BRINP1: variants seen among roughly 807,000 people sequenced by gnomAD.
BRINP1 encodes the protein BMP/retinoic acid inducible neural specific 1, also known as BMP/retinoic acid-inducible neural-specific protein 1.
In BRINP1, 17 loss-of-function variants were observed where a neutral mutation model predicts 72.9. The observed-to-expected ratio is 0.23, with a 90% CI of 0.16 to 0.35. The LOEUF (loss-of-function observed/expected upper bound fraction) is 0.35. BRINP1 is among the 10% of genes least tolerant of loss of function. The probability of loss-of-function intolerance (pLI) is 1.00; values close to 1 mark genes in which losing one functional copy is unlikely to be tolerated. For missense variants in BRINP1, 850 were observed against 1,001.6 expected, an observed-to-expected ratio of 0.85 and a Z score of 2.04; for synonymous variants, 418 against 378.5, an observed-to-expected ratio of 1.10 and a Z score of -1.21.
intron 4 of BRINP1, 50 bp downstream of exon 4, chr9:119,241,997 A>C (rs1220330850): frequency 1.9e-6 from 3 of 1,566,922 alleles, no homozygotes; most frequent in Non-Finnish European, 2.6e-6. Context: ...CCTGCATTGC[A>C]GTGTTGTTGT....
At chr9:119,179,637 T>A (rs1018132129) in intron 7 of BRINP1, among the ~76,000 whole-genome samples, 1 of 152,188 alleles carries the variant, frequency 6.6e-6, no homozygotes, top group Non-Finnish European at 1.5e-5. Context: ...CCCCATGAGA[T>A]AGGATTCCCT....
At chr9:119,326,368 TAAATCATCTTGAAGCATGAAAC>T (rs779058612) in intron 1 of BRINP1, among the ~76,000 whole-genome samples, 1 of 152,210 alleles carries the variant, frequency 6.6e-6, no homozygotes, top group Non-Finnish European at 1.5e-5. Flanking sequence ...GAATTTCTGA[TAAATCATCTTGAAGCATGAAAC>T]TCCTAGAAAT....
chr9:119,338,799 G>A (rs967099820), intron 1 of BRINP1, among the ~76,000 whole-genome samples: 1 of 151,558 alleles, frequency 6.6e-6, no homozygotes, highest in African/African-American at 2.4e-5. Context: ...GCAAGAGAAT[G>A]GTGCGAACCC....
At chr9:119,268,500 C>T (rs1054609701) in intron 2 of BRINP1, among the ~76,000 whole-genome samples, 12 of 152,108 alleles carry the variant, frequency 7.9e-5, no homozygotes, top group Admixed American at 2.0e-4. Flanking sequence ...GCTAAGATCT[C>T]TACCATGCTG....
At position 119,167,614 on chromosome 9, in the gene BRINP1, G is replaced by C; in HGVS notation, c.1756C>G (p.Arg586Gly). ...TTTTGGAGACGGATCTTCTCCCAGC[G>C]TGGGTAGCCAAATTCCCCGAAGGGC... ...NMPFGEFGYP[R>G]WEKIRLQNSQ... is the part of the protein sequence containing the mutation. Residue 586 changes from arginine to glycine, a missense_variant, in exon 8 of 8, where the codon CGC (arginine) becomes GGC (glycine). Arg to Gly is a moderately radical substitution (Grantham distance 125). Transcript: ENST00000265922. The surrounding 1 kb of genome is among the most constrained non-coding windows in gnomAD (Gnocchi z 4.3). 1 of 1,614,112 alleles carries C rather than the reference G, an allele frequency of 6.2e-7. No homozygotes were observed. Among genetic ancestry groups the C allele is most frequent in the South Asian group, 1.1e-5 (1 of 91,082 alleles).
intron 2 of BRINP1, among the ~76,000 whole-genome samples, chr9:119,298,219 T>G (rs1269426033): frequency 1.3e-5 from 2 of 152,208 alleles, no homozygotes; most frequent in Non-Finnish European, 2.9e-5. Context: ...GAATCCAAAG[T>G]CCGTCCCTCA....
intron 7 of BRINP1, among the ~76,000 whole-genome samples, chr9:119,198,794 C>A (rs1350905598): frequency 2.6e-5 from 4 of 151,964 alleles, no homozygotes; most frequent in Non-Finnish European, 4.4e-5. Context: ...GCCTCAGCCT[C>A]CCGAGTAGCT....
intron 2 of BRINP1, among the ~76,000 whole-genome samples, chr9:119,270,765 G>C (rs1301664727): frequency 6.6e-6 from 1 of 152,142 alleles, no homozygotes. Context: ...GACAAATCTA[G>C]ATTTGGGGAG....
intron 7 of BRINP1, among the ~76,000 whole-genome samples, chr9:119,172,901 T>C (rs1489987037): frequency 6.6e-6 from 1 of 151,028 alleles, no homozygotes; most frequent in African/African-American, 2.5e-5. Flanking sequence ...TCTCCATAGA[T>C]GCAGAAAAAG....
At chr9:119,360,059 C>G (rs1378774291) in intron 1 of BRINP1, among the ~76,000 whole-genome samples, 1 of 152,150 alleles carries the variant, frequency 6.6e-6, no homozygotes, top group Non-Finnish European at 1.5e-5. Flanking sequence ...GAATCACTTG[C>G]AAGGCTTCAC....
At chr9:119,358,265 A>C (rs1831590429) in intron 1 of BRINP1, among the ~76,000 whole-genome samples, 1 of 152,098 alleles carries the variant, frequency 6.6e-6, no homozygotes, top group African/African-American at 2.4e-5. Flanking sequence ...TCCCATATGC[A>C]CCTGATGAAT....
chr9:119,273,421 G>C (rs74720541), intron 2 of BRINP1, among the ~76,000 whole-genome samples: 2,348 of 152,194 alleles, frequency 0.015, 51 homozygotes, highest in African/African-American at 0.054. Context: ...ATCTCGGCTG[G>C]GTTTCAGGGG....
intron 2 of BRINP1, among the ~76,000 whole-genome samples, chr9:119,263,569 C>T (rs998238501): frequency 4.1e-5 from 6 of 146,996 alleles, no homozygotes; most frequent in African/African-American, 1.5e-4. Context: ...AAGTACATTG[C>T]CTGGAACTTA....
chr9:119,255,996 A>G (rs1015944109), intron 2 of BRINP1, among the ~76,000 whole-genome samples: 2 of 147,520 alleles, frequency 1.4e-5, no homozygotes, highest in African/African-American at 5.0e-5. Flanking sequence ...CGAGACAGGA[A>G]GGAGAACTGG....
At chr9:119,256,843 A>C (rs528689822) in intron 2 of BRINP1, among the ~76,000 whole-genome samples, 99 of 152,194 alleles carry the variant, frequency 6.5e-4, no homozygotes, top group Non-Finnish European at 1.2e-3. Flanking sequence ...ATGACCTCTG[A>C]TAAGTGGAGG....
At chr9:119,168,769 T>C (rs1424005075) in intron 7 of BRINP1, among the ~76,000 whole-genome samples, 2 of 144,068 alleles carry the variant, frequency 1.4e-5, no homozygotes, top group Non-Finnish European at 3.1e-5. Context: ...TGATTTCTAT[T>C]GATGATCTTA....
chr9:119,274,124 T>TGGGG (rs1324628248), intron 2 of BRINP1, among the ~76,000 whole-genome samples: 8 of 152,234 alleles, frequency 5.3e-5, no homozygotes, highest in Non-Finnish European at 8.8e-5. Flanking sequence ...CGATCCTATT[T>TGGGG]TGTTTATTCT....
At chr9:119,366,030 A>G (rs1206679529) in intron 1 of BRINP1, among the ~76,000 whole-genome samples, 1 of 152,112 alleles carries the variant, frequency 6.6e-6, no homozygotes, top group East Asian at 1.9e-4. Context: ...TCTCTTTCAC[A>G]GGGCTTTACA....
intron 7 of BRINP1, among the ~76,000 whole-genome samples, chr9:119,180,635 C>A (rs564914536): frequency 6.6e-6 from 1 of 152,056 alleles, no homozygotes; most frequent in East Asian, 1.9e-4. Flanking sequence ...TTATAACTGG[C>A]CATCAGACTC....
Sources: gnomAD v4.1 joint callset for allele counts (sites outside exome capture counted in the v4.1 genomes callset) on GRCh38, gnomAD v4.1.1 for gene constraint, Gnocchi (gnomAD v3.1) non-coding constraint, MANE v1.5 for transcripts, NCBI Gene and HGNC (gene_info 2026-07-23, HGNC 2026-07-21) for gene names.